Variants in RIMS2 observed in about 807,000 individuals in gnomAD.
The protein encoded by RIMS2 is regulating synaptic membrane exocytosis protein 2.
In RIMS2, 59 loss-of-function variants were observed where a neutral mutation model predicts 174.4. The observed-to-expected ratio is 0.34, with a 90% CI of 0.27 to 0.42. RIMS2 has a LOEUF of 0.42. Among genes scored for constraint, RIMS2 ranks in the 10% least tolerant of loss-of-function variants. The pLI is 1.00. For synonymous variants in RIMS2, 606 were observed against 572.5 expected (o/e 1.06, Z -0.84); for missense variants, 1,620 against 1,666.3 (o/e 0.97, Z 0.48).
At chr8:103,610,680 A>C (rs891755463) in intron 1 of RIMS2, among the ~76,000 whole-genome samples, 10 of 152,162 alleles carry the variant, frequency 6.6e-5, no homozygotes, top group Admixed American at 2.6e-4. Flanking sequence ...GGCTAAAACC[A>C]ATTTGATTGT....
chr8:103,913,142 T>G (rs532136168), intron 6 of RIMS2, among the ~76,000 whole-genome samples: 1 of 145,148 alleles, frequency 6.9e-6, no homozygotes, highest in Non-Finnish European at 1.5e-5. Context: ...CCAGCTATTT[T>G]TTTTTTTTTG....
chr8:103,546,595 C>T (rs887826076), intron 1 of RIMS2, among the ~76,000 whole-genome samples: 9 of 152,282 alleles, frequency 5.9e-5, no homozygotes, highest in South Asian at 4.1e-4. Context: ...CTCATCTGCA[C>T]GTGCCACATA....
chr8:104,170,189 A>G (rs2098823937), intron 19 of RIMS2, among the ~76,000 whole-genome samples: 1 of 151,988 alleles, frequency 6.6e-6, no homozygotes, highest in Non-Finnish European at 1.5e-5. Context: ...CGTTTGTTCT[A>G]TGGTTTAGTT....
intron 17 of RIMS2, among the ~76,000 whole-genome samples, chr8:104,012,364 T>C (rs574078071): frequency 6.6e-6 from 1 of 151,286 alleles, no homozygotes; most frequent in South Asian, 2.1e-4. Flanking sequence ...CTTTTTTTTT[T>C]TTTTAAATTA....
At chr8:104,005,387 G>C (rs2095537125) in intron 17 of RIMS2, among the ~76,000 whole-genome samples, 1 of 152,166 alleles carries the variant, frequency 6.6e-6, no homozygotes, top group African/African-American at 2.4e-5. Flanking sequence ...AGAATAAGTA[G>C]CTTCTGCAGA....
At chr8:104,028,717 A>G (rs2096312381) in intron 19 of RIMS2, among the ~76,000 whole-genome samples, 1 of 152,208 alleles carries the variant, frequency 6.6e-6, no homozygotes, top group Non-Finnish European at 1.5e-5. Flanking sequence ...AGGTGGAAAT[A>G]ACCTTATAAA....
chr8:104,173,537 A>G (rs1351374817), intron 19 of RIMS2, among the ~76,000 whole-genome samples: 1 of 151,340 alleles, frequency 6.6e-6, no homozygotes, highest in African/African-American at 2.4e-5. Flanking sequence ...TAATGTTATG[A>G]AACATTTTTT....
At chr8:104,233,967 A>G (rs1587992373) in intron 19 of RIMS2, among the ~76,000 whole-genome samples, 3 of 152,112 alleles carry the variant, frequency 2.0e-5, no homozygotes, top group African/African-American at 4.8e-5. Flanking sequence ...CCTTAGTTCA[A>G]TTTGGCCAAT....
intron 19 of RIMS2, among the ~76,000 whole-genome samples, chr8:104,097,765 A>G (rs1400602123): frequency 1.3e-5 from 2 of 152,188 alleles, no homozygotes; most frequent in African/African-American, 4.8e-5. Context: ...CAACCTATAT[A>G]TGATTGACAT....
chr8:103,551,711 A>C (rs1848012962), intron 1 of RIMS2, among the ~76,000 whole-genome samples: 1 of 152,224 alleles, frequency 6.6e-6, no homozygotes, highest in African/African-American at 2.4e-5. Context: ...CCATCGTGTC[A>C]GCCCCAAATC....
intron 3 of RIMS2, among the ~76,000 whole-genome samples, chr8:103,778,885 C>T (rs1026639946): frequency 2.0e-5 from 3 of 152,092 alleles, no homozygotes; most frequent in African/African-American, 7.2e-5. Flanking sequence ...TGAGAGTTCT[C>T]CTTTTTCCAC....
At chr8:103,597,999 C>G (rs1327550450) in intron 1 of RIMS2, among the ~76,000 whole-genome samples, 1 of 152,094 alleles carries the variant, frequency 6.6e-6, no homozygotes, top group Non-Finnish European at 1.5e-5. Flanking sequence ...AAATGTCTTT[C>G]TTGCTGTGGG....
intron 3 of RIMS2, among the ~76,000 whole-genome samples, chr8:103,830,221 A>G (rs2098817096): frequency 6.6e-6 from 1 of 152,030 alleles, no homozygotes; most frequent in Non-Finnish European, 1.5e-5. Flanking sequence ...TACCATTTCA[A>G]TGATTACTGT....
intron 2 of RIMS2, among the ~76,000 whole-genome samples, 154 bp from the exon 6 acceptor site, chr8:103,766,073 T>G (rs2098167547): frequency 6.6e-6 from 1 of 152,166 alleles, no homozygotes; most frequent in African/African-American, 2.4e-5. Flanking sequence ...AGAAAGTATA[T>G]ATTATTTAAT....
intron 19 of RIMS2, among the ~76,000 whole-genome samples, chr8:104,073,390 G>A (rs2097228811): frequency 6.6e-6 from 1 of 151,972 alleles, no homozygotes; most frequent in Non-Finnish European, 1.5e-5. Context: ...AACAAATAAG[G>A]CTCATTCAAC....
chr8:103,528,335 G>A (rs1325700774), intron 1 of RIMS2, among the ~76,000 whole-genome samples: 2 of 151,900 alleles, frequency 1.3e-5, no homozygotes, highest in Non-Finnish European at 2.9e-5. Flanking sequence ...CTTCCATTCT[G>A]TAGGTTGCCT....
chr8:104,043,208 A>T (rs74322358), intron 19 of RIMS2, among the ~76,000 whole-genome samples: 38,123 of 151,206 alleles, frequency 0.25, 5,152 homozygotes, highest in African/African-American at 0.35. Context: ...AAAGAAAAAA[A>T]TGAAGGTAGT....
intron 1 of RIMS2, among the ~76,000 whole-genome samples, chr8:103,647,180 C>G (rs969165664): frequency 6.6e-6 from 1 of 152,124 alleles, no homozygotes; most frequent in Non-Finnish European, 1.5e-5. Flanking sequence ...GGGAATGAAA[C>G]CTACTTTATC....
intron 1 of RIMS2, among the ~76,000 whole-genome samples, chr8:103,512,759 T>C (rs1398428833): frequency 6.6e-6 from 1 of 152,170 alleles, no homozygotes; most frequent in Admixed American, 6.5e-5. Flanking sequence ...CTTAGGATAA[T>C]TGTAGTTCCC....
Sources: gnomAD v4.1 joint callset for allele counts (sites outside exome capture counted in the v4.1 genomes callset) on GRCh38, gnomAD v4.1.1 for gene constraint, MANE v1.5 for transcripts, NCBI Gene and HGNC (gene_info 2026-07-23, HGNC 2026-07-21) for gene names.